AR: variants seen among roughly 807,000 people sequenced by gnomAD.
The protein encoded by AR is androgen receptor, also known as dihydrotestosterone receptor.
Under a neutral mutation model 53.9 loss-of-function variants are expected in AR, and 8 were observed. That is an observed-to-expected ratio of 0.15 (90% CI 0.09 to 0.27). The LOEUF is 0.27. Among genes scored for constraint, AR ranks in the 10% least tolerant of loss-of-function variants. AR has a pLI of 1.00. For synonymous variants in AR, 359 were observed against 316.4 expected (o/e 1.13, Z -1.43); for missense variants, 639 against 742.5 (o/e 0.86, Z 1.62).
chrX:67,587,560 A>G (rs182193353), intron 1 of AR, among the ~76,000 whole-genome samples: 5 of 111,753 alleles, frequency 4.5e-5, no homozygotes, highest in African/African-American at 1.6e-4. Context: ...TAAGTCCCAG[A>G]ATATTTTCTG....
intron 4 of AR, among the ~76,000 whole-genome samples, chrX:67,713,624 A>G (rs950943589): frequency 1.8e-5 from 2 of 112,110 alleles, no homozygotes; most frequent in African/African-American, 6.5e-5. Flanking sequence ...GAGGTTAACT[A>G]ACTTGCTCCA....
chrX:67,586,160 G>T (rs944429103), intron 1 of AR, among the ~76,000 whole-genome samples: 1 of 111,526 alleles, frequency 9.0e-6, no homozygotes. Flanking sequence ...TTTTGAGGAA[G>T]CATAATTTTC....
At position 67,545,697 on chromosome X, in the gene AR, T is replaced by C. The variant is rs2147317039; in HGVS notation, c.551T>C (p.Ile184Thr). 8.3e-7 allele frequency: 1 copy of C among 1,207,499 alleles called. No homozygotes were observed. Among genetic ancestry groups the C allele is most frequent in the Non-Finnish European group, 1.1e-6 (1 of 893,503 alleles). The change falls in exon 1 of 8, where the codon ATC becomes ACC. Residue 184 changes from isoleucine (I) to threonine (T), a missense_variant. Physicochemically the swap from Ile to Thr is moderately conservative, Grantham distance 89 (BLOSUM62 -1). Around this residue, in one of 5 missense-constraint regions of AR, gnomAD observed 423 missense variants for 377.0 expected, o/e 1.12. Coordinates refer to ENST00000374690, the MANE Select transcript of AR (RefSeq NM_000044.6). Reference sequence around the variant, plus strand: ...AGCTGCTCCGCTGACCTTAAAGACATCCTGAGCGAGGCCAGCACCATGCAA... The same window carrying C: ...AGCTGCTCCGCTGACCTTAAAGACACCCTGAGCGAGGCCAGCACCATGCAA... ...LSSCSADLKD[I>T]LSEASTMQLL...
chrX:67,689,707 C>T, intron 3 of AR: 3 of 859,889 alleles, frequency 3.5e-6, no homozygotes, highest in Non-Finnish European at 4.3e-6. Context: ...TTGAAAACCA[C>T]ATATTGTTAA....
At chrX:67,642,287 G>C (rs1191626901) in intron 1 of AR, among the ~76,000 whole-genome samples, 3 of 112,066 alleles carry the variant, frequency 2.7e-5, no homozygotes, top group African/African-American at 9.7e-5. Flanking sequence ...GACAAAAGCT[G>C]ACCTTTGGGT....
At chrX:67,659,463 C>A (rs747293892) in intron 2 of AR, among the ~76,000 whole-genome samples, 1 of 110,624 alleles carries the variant, frequency 9.0e-6, no homozygotes, top group African/African-American at 3.3e-5. Context: ...TGAGAACATG[C>A]GGTGTTTGGT....
At chrX:67,587,130 T>C (rs1179417601) in intron 1 of AR, among the ~76,000 whole-genome samples, 2 of 112,045 alleles carry the variant, frequency 1.8e-5, no homozygotes, top group Non-Finnish European at 3.8e-5. Context: ...ATCATACAGC[T>C]AGGAAGTGGG....
At chrX:67,672,444 T>C (rs939109653) in intron 2 of AR, among the ~76,000 whole-genome samples, 1 of 111,263 alleles carries the variant, frequency 9.0e-6, no homozygotes, top group Non-Finnish European at 1.9e-5. Flanking sequence ...GTCTCCCTTT[T>C]AGTGAAAGTG....
intron 5 of AR, among the ~76,000 whole-genome samples, chrX:67,718,239 G>A (rs1452475817): frequency 2.7e-5 from 3 of 111,429 alleles, no homozygotes; most frequent in Non-Finnish European, 3.8e-5. Flanking sequence ...GCTCTTCTGC[G>A]TCATGGTGGT....
At chrX:67,589,846 C>G (rs1028784182) in intron 1 of AR, among the ~76,000 whole-genome samples, 27 of 111,506 alleles carry the variant, frequency 2.4e-4, no homozygotes, top group Admixed American at 2.3e-3. Flanking sequence ...GCTGTATACT[C>G]GAGCATGCCC....
chrX:67,662,069 G>A (rs942857631), intron 2 of AR, among the ~76,000 whole-genome samples: 3 of 111,373 alleles, frequency 2.7e-5, no homozygotes, highest in African/African-American at 9.8e-5. Context: ...GCGTCTATTT[G>A]ATTCTTCTCC....
intron 1 of AR, among the ~76,000 whole-genome samples, chrX:67,570,177 G>GT (rs1441779567): frequency 2.7e-5 from 3 of 111,785 alleles, no homozygotes; most frequent in Non-Finnish European, 5.6e-5. Context: ...CATTGTATGT[G>GT]TACGCATCCA....
rs978916227 is a variant in AR at position 67,711,587 on chromosome X, G to A, written c.2071G>A (p.Asp691Asn). The part of the protein sequence containing the change: ...IEPGVVCAGH[D>N]NNQPDSFAAL... ...GCCAGGTGTAGTGTGTGCTGGACAC[G>A]ACAACAACCAGCCCGACTCCTTTGC... Residue 691 changes from aspartate to asparagine, a missense_variant, in exon 4 of 8, where the codon GAC becomes AAC. Coordinates refer to ENST00000374690, the MANE Select transcript of AR (RefSeq NM_000044.6). 1.8e-5 allele frequency: 22 copies of A among 1,209,766 alleles called. No homozygotes were observed. Among genetic ancestry groups the A allele is most frequent in the East Asian group, 3.0e-5 (1 of 33,732 alleles).
rs1176913097 is a variant in AR, at chrX:67,723,814, C to G, written c.2736C>G (p.Val912=). The stretch of plus-strand genomic sequence containing the variant: ...TGCCCAAGATCCTTTCTGGGAAAGT[C>G]AAGCCCATCTATTTCCACACCCAGT... ...VQVPKILSGK[V]KPIYFHTQ Residue 912 remains valine (V), a synonymous_variant, in exon 8 of 8, where the codon GTC becomes GTG. Transcript: ENST00000374690. 3.3e-6 allele frequency: 4 copies of G among 1,210,695 alleles called. No homozygotes were observed. The highest frequency in any genetic ancestry group is 4.5e-6 in the Non-Finnish European group (4 of 895,364).
intron 1 of AR, among the ~76,000 whole-genome samples, chrX:67,552,613 G>A (rs1350479020): frequency 8.9e-6 from 1 of 112,378 alleles, no homozygotes; most frequent in African/African-American, 3.2e-5. Context: ...TTGAAGAACT[G>A]TCAAACTGTT....
intron 2 of AR, among the ~76,000 whole-genome samples, chrX:67,644,465 C>G (rs1411311454): frequency 8.9e-6 from 1 of 111,992 alleles, no homozygotes; most frequent in Non-Finnish European, 1.9e-5. Context: ...GAGAACCTTT[C>G]CTTCTATAAG....
At chrX:67,606,036 A>G (rs1306806220) in intron 1 of AR, among the ~76,000 whole-genome samples, 1 of 112,131 alleles carries the variant, frequency 8.9e-6, no homozygotes, top group Admixed American at 9.4e-5. Flanking sequence ...GGGGAGACAA[A>G]TATATGAGCA....
chrX:67,549,722 G>C (rs1929922633), intron 1 of AR, among the ~76,000 whole-genome samples: 3 of 112,090 alleles, frequency 2.7e-5, no homozygotes. Flanking sequence ...TTGGGGTTTA[G>C]AGAAATTATC....
chrX:67,683,415 T>A (rs753516589), intron 2 of AR, among the ~76,000 whole-genome samples: 1 of 111,485 alleles, frequency 9.0e-6, no homozygotes, highest in South Asian at 3.8e-4. Flanking sequence ...AAAAACTCTG[T>A]AAATATATTG....
Sources: gnomAD v4.1 joint callset for allele counts (sites outside exome capture counted in the v4.1 genomes callset) on GRCh38, gnomAD v4.1.1 for gene constraint, gnomAD v4.1.1 regional missense constraint, MANE v1.5 for transcripts, NCBI Gene and HGNC (gene_info 2026-07-23, HGNC 2026-07-21) for gene names.